CAMTA1: variants seen among roughly 807,000 people sequenced by gnomAD.
CAMTA1 encodes calmodulin-binding transcription activator 1.
CAMTA1 carries 27 observed loss-of-function variants against 170.9 expected under a neutral mutation model. The observed-to-expected ratio is 0.16, with a 90% confidence interval of 0.12 to 0.22. CAMTA1 has a LOEUF of 0.22. CAMTA1 is among the 10% of genes least tolerant of loss of function. CAMTA1 has a pLI of 1.00. For synonymous variants in CAMTA1, 833 were observed against 891.5 expected, an observed-to-expected ratio of 0.93 and a Z score of 1.17; for missense variants, 1,619 against 2,217.2, an observed-to-expected ratio of 0.73 and a Z score of 5.42.
chr1:7,207,793 C>T (rs1254781174), intron 4 of CAMTA1, among the ~76,000 whole-genome samples: 1 of 152,140 alleles, frequency 6.6e-6, no homozygotes, highest in Admixed American at 6.5e-5. Flanking sequence ...CCCCAGTCTT[C>T]GTGAAATAAG....
chr1:7,180,957 G>A (rs1652029397), intron 4 of CAMTA1, among the ~76,000 whole-genome samples: 1 of 152,172 alleles, frequency 6.6e-6, no homozygotes, highest in African/African-American at 2.4e-5. Flanking sequence ...TGAAATTACA[G>A]AACAATATCA....
chr1:6,818,696 T>C (rs967141718), intron 1 of CAMTA1, among the ~76,000 whole-genome samples: 8 of 152,166 alleles, frequency 5.3e-5, no homozygotes, highest in Non-Finnish European at 1.2e-4. Context: ...GGGAGTGCAG[T>C]GGTGTGATCA....
chr1:6,860,523 A>G (rs1664266896), intron 3 of CAMTA1, among the ~76,000 whole-genome samples: 1 of 152,178 alleles, frequency 6.6e-6, no homozygotes, highest in African/African-American at 2.4e-5. Context: ...CTACAAAATT[A>G]CCACATTGTT....
chr1:6,859,212 T>C (rs1663694312), intron 3 of CAMTA1, among the ~76,000 whole-genome samples: 1 of 152,110 alleles, frequency 6.6e-6, no homozygotes, highest in African/African-American at 2.4e-5. Flanking sequence ...GTGTTGTATG[T>C]ATATATGTTT....
rs1019729783 is a variant in CAMTA1, at chr1:7,435,343, C to T, written c.439-32487C>T. ...CTCAGGCATGAACTCAGGCCAGAATCCCATCATTCTAAAGCCCAGAATCCC... is the reference window on the plus strand; with the variant it reads ...CTCAGGCATGAACTCAGGCCAGAATTCCATCATTCTAAAGCCCAGAATCCC... On this transcript the variant is annotated intron_variant, in intron 5 of 22. Transcript: ENST00000303635. The surrounding 1 kb of genome is among the most constrained non-coding windows in gnomAD (Gnocchi z 4.4). 6.6e-6 allele frequency among the ~76,000 whole-genome samples: 1 copy of T among 152,170 alleles called. No individual in the cohort carries two copies. Among genetic ancestry groups the T allele is most frequent in the African/African-American group, 2.4e-5 (1 of 41,452 alleles).
intron 4 of CAMTA1, among the ~76,000 whole-genome samples, chr1:7,127,028 C>G (rs982322134): frequency 6.6e-6 from 1 of 152,102 alleles, no homozygotes; most frequent in Non-Finnish European, 1.5e-5. Flanking sequence ...CTCAGCCTCC[C>G]AAAGCGCTGG....
intron 1 of CAMTA1, among the ~76,000 whole-genome samples, chr1:6,815,514 C>T (rs142263746): frequency 6.6e-5 from 10 of 152,302 alleles, no homozygotes; most frequent in African/African-American, 2.2e-4. Flanking sequence ...TTCTTGGGTA[C>T]TTCCAGCAGA....
chr1:7,049,879 C>T (rs1706032109), intron 3 of CAMTA1, among the ~76,000 whole-genome samples: 1 of 152,198 alleles, frequency 6.6e-6, no homozygotes, highest in East Asian at 1.9e-4. Context: ...GTGGTTAAAG[C>T]AGCCCAGAGT....
chr1:6,837,875 A>G (rs552907113), intron 3 of CAMTA1, among the ~76,000 whole-genome samples: 5 of 152,304 alleles, frequency 3.3e-5, no homozygotes, highest in African/African-American at 4.8e-5. Flanking sequence ...TTTTTATTTC[A>G]TAAATGGGGG....
chr1:6,906,056 G>A (rs994686122), intron 3 of CAMTA1, among the ~76,000 whole-genome samples: 6 of 152,178 alleles, frequency 3.9e-5, no homozygotes, highest in African/African-American at 1.4e-4. Context: ...CACCTGCTTA[G>A]GATCGTGAGC....
intron 5 of CAMTA1, among the ~76,000 whole-genome samples, chr1:7,289,148 C>T (rs986626127): frequency 1.3e-5 from 2 of 152,092 alleles, no homozygotes; most frequent in Admixed American, 1.3e-4. Context: ...ATGAGAACAG[C>T]ACCGAGGAGG....
At chr1:7,189,098 C>A (rs758024984) in intron 4 of CAMTA1, among the ~76,000 whole-genome samples, 8 of 152,144 alleles carry the variant, frequency 5.3e-5, no homozygotes, top group Non-Finnish European at 1.2e-4. Flanking sequence ...ATCCTGAATC[C>A]CATCCTCTCT....
At chr1:7,354,676 C>T (rs1487764497) in intron 5 of CAMTA1, among the ~76,000 whole-genome samples, 1 of 152,222 alleles carries the variant, frequency 6.6e-6, no homozygotes, top group Non-Finnish European at 1.5e-5. Context: ...AATTTACATT[C>T]CCACCTGCAA....
chr1:7,423,640 A>G lies in CAMTA1; in HGVS notation c.439-44190A>G, dbSNP rs188344826. On this transcript the variant is annotated intron_variant, in intron 5 of 22. Coordinates refer to ENST00000303635, the MANE Select transcript of CAMTA1 (RefSeq NM_015215.4). The stretch of plus-strand genomic sequence containing the variant: ...GCTTTTGTCAATGAACATGAATTCC[A>G]CAAGGGTCAAACTGTGTAATCTCTC... Among the ~76,000 whole-genome samples, 299 of 152,146 alleles carry G rather than the reference A, an allele frequency of 2.0e-3. 1 individual carries two copies. The highest frequency in any genetic ancestry group is 3.2e-3 in the Non-Finnish European group (216 of 68,004).
intron 5 of CAMTA1, among the ~76,000 whole-genome samples, chr1:7,398,201 A>C (rs1434573640): frequency 0.073 from 2,319 of 31,826 alleles, 27 homozygotes; most frequent in East Asian, 0.093. Context: ...CTCTATATAT[A>C]TATATATATA....
chr1:6,850,674 A>G (rs1660034730), intron 3 of CAMTA1, among the ~76,000 whole-genome samples: 1 of 152,206 alleles, frequency 6.6e-6, no homozygotes, highest in Non-Finnish European at 1.5e-5. Flanking sequence ...TGAGGTAGGG[A>G]AGCCCAAGAT....
chr1:7,438,872 T>G (rs965108787), intron 5 of CAMTA1, among the ~76,000 whole-genome samples: 5 of 152,198 alleles, frequency 3.3e-5, no homozygotes, highest in Non-Finnish European at 7.3e-5. Context: ...CTTCCTCATC[T>G]GTAAAACCCA....
chr1:6,910,339 G>GT (rs992115768), intron 3 of CAMTA1, among the ~76,000 whole-genome samples: 12 of 152,200 alleles, frequency 7.9e-5, no homozygotes, highest in African/African-American at 2.7e-4. Context: ...TATGGCAACT[G>GT]TTTTTTTCTT....
At chr1:7,508,200 C>T (rs1422439300) in intron 6 of CAMTA1, among the ~76,000 whole-genome samples, 1 of 152,220 alleles carries the variant, frequency 6.6e-6, no homozygotes, top group African/African-American at 2.4e-5. Context: ...TGAGCTTGGG[C>T]TTGAAGCAGG....
Sources: gnomAD v4.1 joint callset for allele counts (sites outside exome capture counted in the v4.1 genomes callset) on GRCh38, gnomAD v4.1.1 for gene constraint, Gnocchi (gnomAD v3.1) non-coding constraint, MANE v1.5 for transcripts, NCBI Gene and HGNC (gene_info 2026-07-23, HGNC 2026-07-21) for gene names.